The following FBXO24 variants were observed in gnomAD, a reference collection of about 807,000 sequenced individuals.
FBXO24 encodes the protein F-box only protein 24.
Under a neutral mutation model 63.5 loss-of-function variants are expected in FBXO24, and 30 were observed. The observed-to-expected ratio is 0.47, with a 90% CI of 0.35 to 0.64. The LOEUF (loss-of-function observed/expected upper bound fraction) is 0.64. FBXO24 is among the 30% of genes least tolerant of loss of function. The pLI, the probability that FBXO24 is intolerant of heterozygous loss-of-function variation, is 0.00. For missense variants in FBXO24, 624 were observed against 763.4 expected, an observed-to-expected ratio of 0.82 and a Z score of 2.15; for synonymous variants, 300 against 305.0, an observed-to-expected ratio of 0.98 and a Z score of 0.17.
At position 100,600,069 on chromosome 7, in the gene FBXO24, C is replaced by T. The variant is rs1802514270; in HGVS notation, c.1245C>T (p.Gly415=). 4.3e-6 allele frequency: 7 copies of T among 1,610,664 alleles called. No individual in the cohort carries two copies. The highest frequency in any genetic ancestry group is 5.9e-6 in the Non-Finnish European group (7 of 1,179,254). ...YLQRPITLWC[G]LNHSLVLSQS... is the part of the protein sequence containing the mutation. ...AGCGGCCCATCACCCTGTGGTGCGG[C>T]CTCAACCACTCCCTGGTGCTGAGCC... The change falls in exon 9 of 10, where the codon GGC becomes GGT. Residue 415 remains glycine, a synonymous_variant. Coordinates refer to ENST00000241071, the MANE Select transcript of FBXO24 (RefSeq NM_033506.3). The surrounding 1 kb of genome is among the most constrained non-coding windows in gnomAD (Gnocchi z 6.3).
chr7:100,595,846 G>C, intron 8 of FBXO24, 140 bp downstream of exon 8: 2 of 1,184,768 alleles, frequency 1.7e-6, no homozygotes, highest in Non-Finnish European at 2.3e-6. Flanking sequence ...TGTAATGCCA[G>C]TGGTACTACC....
At position 100,594,249 on chromosome 7, in the gene FBXO24, T is replaced by C; in HGVS notation, c.794-134T>C. 1 of 967,892 alleles carries C rather than the reference T, an allele frequency of 1.0e-6. No homozygotes were observed. Among genetic ancestry groups the C allele is most frequent in the Non-Finnish European group, 1.5e-6 (1 of 668,846 alleles). 60.0% of individuals were successfully genotyped at this position (967,892 alleles called of 1,614,324 possible). A position where few individuals can be genotyped will look rare whatever the true frequency, so the allele number is the denominator to read the frequency against. ...TGGAGTCTGGGGGACTTGGGGTCACTCTTCCCTTATTTCTTTCTCAGCCCC... is the reference window on the plus strand; with the variant it reads ...TGGAGTCTGGGGGACTTGGGGTCACCCTTCCCTTATTTCTTTCTCAGCCCC... On this transcript the variant is annotated intron_variant, in intron 5 of 9. Coordinates refer to ENST00000241071, the MANE Select transcript of FBXO24 (RefSeq NM_033506.3). The surrounding 1 kb of genome is among the most constrained non-coding windows in gnomAD (Gnocchi z 4.2).
intron 1 of FBXO24, 126 bp downstream of exon 1, chr7:100,586,790 G>A (rs1211416616): frequency 9.5e-7 from 1 of 1,057,724 alleles, no homozygotes; most frequent in East Asian, 2.4e-5. Flanking sequence ...GGCGTCCAGG[G>A]CTTGAGGGGA....
intron 3 of FBXO24, 23 bp downstream of exon 3, chr7:100,590,380 C>T (rs764327513): frequency 2.1e-5 from 34 of 1,587,524 alleles, no homozygotes; most frequent in Admixed American, 3.4e-5. Flanking sequence ...CAGAACCTCC[C>T]GTTCTCCTTG....
At position 100,601,109 on chromosome 7, in the gene FBXO24, T is replaced by G. The variant is rs1033652816; in HGVS notation, c.*210T>G. 2.5e-5 allele frequency: 7 copies of G among 276,520 alleles called. No individual in the cohort carries two copies. The highest frequency in any genetic ancestry group is 1.4e-3 in the Middle Eastern group (1 of 690). The allele number at this position is 276,520 out of a possible 1,614,324, so 17.1% of individuals were successfully genotyped here. On this transcript the variant is annotated 3_prime_UTR_variant, in exon 10 of 10. Coordinates refer to ENST00000241071, the MANE Select transcript of FBXO24 (RefSeq NM_033506.3). ...AGATTTGATGGATAGAATAAAAGGC[T>G]GCAGCGAGGCCTGGTGTGGAAGCCT...
rs1029242334 is a variant in FBXO24 at position 100,595,807 on chromosome 7, G to C, written c.1206+101G>C. On this transcript the variant is annotated intron_variant, in intron 8 of 9. Coordinates refer to ENST00000241071, the MANE Select transcript of FBXO24 (RefSeq NM_033506.3). The stretch of plus-strand genomic sequence containing the variant: ...CCAGATTCCACAGAATCCAATTTCT[G>C]TTCCTTTGGGAAGTTAAGCCACTCA... The C allele has an allele frequency of 5.5e-6, 8 of 1,464,268 alleles. No homozygotes were observed. In the African/African-American group the frequency reaches 1.1e-4, roughly 21 times the overall value. The allele number at this position is 1,464,268 out of a possible 1,614,324, so 90.7% of individuals were successfully genotyped here.
At chr7:100,591,082 G>C (rs1227023560) in intron 3 of FBXO24, among the ~76,000 whole-genome samples, 2 of 131,878 alleles carry the variant, frequency 1.5e-5, no homozygotes, top group Non-Finnish European at 1.5e-5. Flanking sequence ...CTGTCACCCA[G>C]GCTGGAGCAC....
intron 2 of FBXO24, 32 bp downstream of exon 2, chr7:100,590,107 T>A: frequency 6.2e-7 from 1 of 1,608,780 alleles, no homozygotes; most frequent in Non-Finnish European, 8.5e-7. Context: ...TTGAGAATAA[T>A]AGGATTGGGG....
At position 100,597,190 on chromosome 7, in the gene FBXO24, G is replaced by T. The variant is rs370020004; in HGVS notation, c.1206+1484G>T. 3.3e-5 allele frequency among the ~76,000 whole-genome samples: 5 copies of T among 152,142 alleles called. No homozygotes were observed. In the East Asian group the frequency reaches 9.6e-4, roughly 29 times the overall value. On this transcript the variant is annotated intron_variant, in intron 8 of 9. Coordinates refer to ENST00000241071, the MANE Select transcript of FBXO24 (RefSeq NM_033506.3). ...TGTGGTAGACAGGGGATGAAGAGGT[G>T]CCTCTAAGACAGGCCGTGCACCCCT...
Position 100,595,702 on chromosome 7 carries a change from C to T in FBXO24, c.1202C>T (p.Thr401Ile), listed in dbSNP as rs1011914004. Residue 401 changes from threonine to isoleucine, a missense_variant, in exon 8 of 10, where the codon ACA becomes ATA. Thr to Ile is a moderately conservative substitution (Grantham distance 89). Coordinates refer to ENST00000241071, the MANE Select transcript of FBXO24 (RefSeq NM_033506.3). ...GACAAAATGGACCGAGGGGAACCCA[C>T]ACAGGTGAGACTATTTCCCAGCAAC... ...TGDKMDRGEP[T>I]QVCYLQRPIT... 3 of 1,602,860 alleles carry T rather than the reference C, an allele frequency of 1.9e-6. No individual in the cohort carries two copies. Among genetic ancestry groups the T allele is most frequent in the Non-Finnish European group, 2.6e-6 (3 of 1,172,922 alleles).
At chr7:100,599,934 T>A in intron 8 of FBXO24, 97 bp from the exon 9 acceptor site, 2 of 1,386,324 alleles carry the variant, frequency 1.4e-6, no homozygotes, top group South Asian at 1.3e-5. Flanking sequence ...TCCTCCCCAG[T>A]TCATTCTGCC....
intron 1 of FBXO24, chr7:100,586,899 AC>A: frequency 1.8e-5 from 2 of 110,610 alleles, no homozygotes; most frequent in Non-Finnish European, 3.4e-5. Flanking sequence ...GGGTCTCGGG[AC>A]CCCCGGGCTG....
intron 1 of FBXO24, among the ~76,000 whole-genome samples, chr7:100,587,088 C>T (rs887475255): frequency 1.3e-5 from 2 of 152,274 alleles, no homozygotes; most frequent in Admixed American, 6.5e-5. Context: ...TAGAACACGC[C>T]CTTGGTGCTA....
chr7:100,601,006 G>A lies in FBXO24; in HGVS notation c.*107G>A. On this transcript the variant is annotated 3_prime_UTR_variant, in exon 10 of 10. Transcript: ENST00000241071. ...TGCGTGTGGGAAGGGGTTGCTAGGG[G>A]GTGGGGACGGCTAACCAGGGTAAGA... is the stretch of plus-strand genomic sequence containing the variant. 2 of 1,473,358 alleles carry A rather than the reference G, an allele frequency of 1.4e-6. No homozygotes were observed. Among genetic ancestry groups the A allele is most frequent in the Admixed American group, 4.4e-5 (2 of 45,618 alleles). The allele number at this position is 1,473,358 out of a possible 1,614,324, so 91.3% of individuals were successfully genotyped here.
In FBXO24 at chr7:100,600,231, C is replaced by T; in HGVS notation, c.1377+30C>T. 6.7e-7 allele frequency: 1 copy of T among 1,493,392 alleles called. No individual in the cohort carries two copies. Among genetic ancestry groups the T allele is most frequent in the Non-Finnish European group, 9.0e-7 (1 of 1,116,158 alleles). The allele number at this position is 1,493,392 out of a possible 1,614,324, so 92.5% of individuals were successfully genotyped here. A position where few individuals can be genotyped will look rare whatever the true frequency, so the allele number is the denominator to read the frequency against. On this transcript the variant is annotated intron_variant, in intron 9 of 9. Coordinates refer to ENST00000241071, the MANE Select transcript of FBXO24 (RefSeq NM_033506.3). This position sits in a 1 kb window ranked among gnomAD's most constrained non-coding sequence, Gnocchi z 6.3. ...GAGCGGGGTCAGGAGAGTGGGCACCCAGGGAGGATGAGAGCCATGAACCAG... is the reference window on the plus strand; with the variant it reads ...GAGCGGGGTCAGGAGAGTGGGCACCTAGGGAGGATGAGAGCCATGAACCAG...
intron 4 of FBXO24, chr7:100,592,274 T>A (rs1802068104): frequency 3.9e-6 from 1 of 253,434 alleles, no homozygotes; most frequent in African/African-American, 2.3e-5. Flanking sequence ...AAAAAAGACA[T>A]ACCTGAGACC....
rs759254770 is a variant in FBXO24, at chr7:100,594,677, A to G, written c.952+136A>G. On this transcript the variant is annotated intron_variant, in intron 6 of 9. Transcript: ENST00000241071. The surrounding 1 kb of genome is among the most constrained non-coding windows in gnomAD (Gnocchi z 4.2). ...GTGAAAAGATGTGTTTAGGGCCGGC[A>G]TGGTGACTCATGCCTGTAATCCCAT... is the stretch of plus-strand genomic sequence containing the variant. 10 of 1,010,230 alleles carry G rather than the reference A, an allele frequency of 9.9e-6. No individual in the cohort carries two copies. The highest frequency in any genetic ancestry group is 1.4e-5 in the Non-Finnish European group (10 of 732,780). 62.6% of individuals were successfully genotyped at this position (1,010,230 alleles called of 1,614,324 possible).
rs200639966 is a variant in FBXO24 at position 100,591,747 on chromosome 7, G to A, written c.403G>A (p.Gly135Ser). ...GAGCGTGGCCCCCTTGCTAGCCCAC[G>A]GCTACCGCCGCTTCTTGCCCACCAA... is the stretch of plus-strand genomic sequence containing the variant. The part of the protein sequence containing the change: ...SKSVAPLLAH[G>S]YRRFLPTKDH... The change falls in exon 4 of 10, where the codon GGC becomes AGC. Residue 135 changes from glycine (G) to serine (S), a missense_variant. Transcript: ENST00000241071. 5 of 1,614,088 alleles carry A rather than the reference G, an allele frequency of 3.1e-6. No homozygotes were observed. Among genetic ancestry groups the A allele is most frequent in the African/African-American group, 1.3e-5 (1 of 74,928 alleles).
rs1245360810 is a variant in FBXO24, at chr7:100,594,132, C to T, written c.794-251C>T. On this transcript the variant is annotated intron_variant, in intron 5 of 9. Coordinates refer to ENST00000241071, the MANE Select transcript of FBXO24 (RefSeq NM_033506.3). The surrounding 1 kb of genome is among the most constrained non-coding windows in gnomAD (Gnocchi z 4.2). ...CAGGCAGGGCCCTCAATCCCCAGAC[C>T]TCTCACTCAAATCGGATTCTAACAA... is the stretch of plus-strand genomic sequence containing the variant. Among the ~76,000 whole-genome samples the T allele has an allele frequency of 6.6e-6, 1 of 152,108 alleles. No individual in the cohort carries two copies. The highest frequency in any genetic ancestry group is 1.5e-5 in the Non-Finnish European group (1 of 68,024).
Sources: allele counts gnomAD v4.1 joint callset (sites outside exome capture counted in the v4.1 genomes callset), GRCh38; gene constraint gnomAD v4.1.1; non-coding constraint Gnocchi (gnomAD v3.1); transcripts MANE v1.5; gene names NCBI Gene and HGNC (gene_info 2026-07-23, HGNC 2026-07-21).